The following TSPEAR variants were observed in gnomAD, a reference collection of about 807,000 sequenced individuals.
TSPEAR encodes thrombospondin type laminin G domain and EAR repeats.
TSPEAR carries 69 observed loss-of-function variants against 71.6 expected under a neutral mutation model. The observed-to-expected ratio is 0.96, with a 90% CI of 0.79 to 1.18. The LOEUF (loss-of-function observed/expected upper bound fraction) is 1.18. Among genes scored for constraint, TSPEAR ranks in the 50% most tolerant of loss-of-function variants. The pLI is 0.00. For missense variants in TSPEAR, 971 were observed against 894.9 expected (o/e 1.09, Z -1.09); for synonymous variants, 402 against 387.2 (o/e 1.04, Z -0.45).
At chr21:44,509,039 T>C (rs1333503912) in intron 10 of TSPEAR, 160 bp downstream of exon 10, 3 of 1,393,328 alleles carry the variant, frequency 2.2e-6, no homozygotes, top group Non-Finnish European at 2.9e-6. Flanking sequence ...CCCCAGGCCA[T>C]TCTTTCCACA....
intron 9 of TSPEAR, among the ~76,000 whole-genome samples, chr21:44,513,851 G>A (rs1364692963): frequency 6.6e-6 from 1 of 152,180 alleles, no homozygotes; most frequent in African/African-American, 2.4e-5. Context: ...CTGGTTGGGG[G>A]GGCAGTGGCA....
chr21:44,517,402 C>T (rs1031432901), intron 9 of TSPEAR: 25 of 220,316 alleles, frequency 1.1e-4, no homozygotes, highest in Non-Finnish European at 2.2e-4. Context: ...TGTGAGTACA[C>T]GTGACACAGG....
intron 1 of TSPEAR, among the ~76,000 whole-genome samples, chr21:44,585,122 A>G (rs587753944): frequency 6.6e-6 from 1 of 151,974 alleles, no homozygotes; most frequent in African/African-American, 2.4e-5. Flanking sequence ...CTTGTTAGAG[A>G]TTGTTGAGTA....
intron 1 of TSPEAR, chr21:44,646,565 G>A (rs954515995): frequency 1.9e-6 from 3 of 1,612,380 alleles, no homozygotes; most frequent in Non-Finnish European, 2.5e-6. Context: ...GCCCCCAGCT[G>A]CTGCGCCCCG....
chr21:44,512,614 T>A (rs2052424329), intron 9 of TSPEAR, among the ~76,000 whole-genome samples: 1 of 152,142 alleles, frequency 6.6e-6, no homozygotes, highest in African/African-American at 2.4e-5. Context: ...GGGTTGGGAA[T>A]GCGCGAGACG....
chr21:44,526,017 G>T, intron 7 of TSPEAR, 178 bp from the exon 8 acceptor site: 1 of 572,026 alleles, frequency 1.7e-6, no homozygotes, highest in Non-Finnish European at 3.1e-6. Context: ...GCGCAGAGCC[G>T]GTCATTACAT....
At chr21:44,590,047 G>A (rs1979661448) in intron 1 of TSPEAR, among the ~76,000 whole-genome samples, 2 of 151,906 alleles carry the variant, frequency 1.3e-5, no homozygotes, top group Non-Finnish European at 2.9e-5. Flanking sequence ...CCTGGGGACG[G>A]CTGCTGCTGG....
chr21:44,549,369 C>T (rs1418850469), intron 2 of TSPEAR, among the ~76,000 whole-genome samples: 3 of 152,210 alleles, frequency 2.0e-5, no homozygotes, highest in Middle Eastern at 3.2e-3. Context: ...CAAGAGGTAT[C>T]GTTTGTAATA....
chr21:44,646,654 G>C lies in TSPEAR; in HGVS notation c.82+64779C>G, dbSNP rs368146868. On this transcript the variant is annotated intron_variant, in intron 1 of 11. Coordinates refer to ENST00000323084, the MANE Select transcript of TSPEAR (RefSeq NM_144991.3). ...CTGCCAGGCGGCCTGTGAGCCCAGCGCCTGCCAATCAGGCTGCACCAGCTC... is the reference window on the plus strand; with the variant it reads ...CTGCCAGGCGGCCTGTGAGCCCAGCCCCTGCCAATCAGGCTGCACCAGCTC... The C allele has an allele frequency of 8.6e-5, 138 of 1,613,390 alleles. No homozygotes were observed. Among genetic ancestry groups the C allele is most frequent in the Admixed American group, 2.7e-4 (16 of 59,970 alleles).
chr21:44,627,207 T>A, intron 1 of TSPEAR: 1 of 1,612,958 alleles, frequency 6.2e-7, no homozygotes, highest in Non-Finnish European at 8.5e-7. Flanking sequence ...GCTCCAGCGC[T>A]TACTCCGACT....
intron 1 of TSPEAR, chr21:44,676,065 C>T (rs587677280): frequency 7.3e-5 from 63 of 867,254 alleles, no homozygotes; most frequent in Non-Finnish European, 1.2e-4. Context: ...CAATAGGAGG[C>T]ATATGACAGT....
intron 9 of TSPEAR, chr21:44,519,509 C>A (rs2052688351): frequency 1.3e-5 from 2 of 152,314 alleles, no homozygotes; most frequent in Non-Finnish European, 2.9e-5. Context: ...TCCTGCTGAG[C>A]CCTGTGGTCA....
At chr21:44,700,001 C>T (rs1382412247) in intron 1 of TSPEAR, among the ~76,000 whole-genome samples, 1 of 152,188 alleles carries the variant, frequency 6.6e-6, no homozygotes, top group Admixed American at 6.5e-5. Context: ...ATTTCTTTAG[C>T]TTAGGGTGAT....
At chr21:44,528,318 G>C in intron 6 of TSPEAR, 134 bp downstream of exon 6, 1 of 1,277,136 alleles carries the variant, frequency 7.8e-7, no homozygotes, top group South Asian at 1.3e-5. Context: ...ACTCTTAGAA[G>C]TGCCCCAGCC....
rs782542040 is a variant in TSPEAR at position 44,580,268 on chromosome 21, G to C, written c.83-12263C>G. On this transcript the variant is annotated intron_variant, in intron 1 of 11. Transcript: ENST00000323084. Reference sequence around the variant, plus strand: ...CTGGCAGCATGAAGAGGAATCCTTAGAGCAGGTGGGCAGGCAGCACACAGG... The same window carrying C: ...CTGGCAGCATGAAGAGGAATCCTTACAGCAGGTGGGCAGGCAGCACACAGG... 7 of 1,611,996 alleles carry C rather than the reference G, an allele frequency of 4.3e-6. No individual in the cohort carries two copies. In the African/African-American group the frequency reaches 6.7e-5, roughly 16 times the overall value.
chr21:44,610,832 G>A (rs1981617540), intron 1 of TSPEAR, among the ~76,000 whole-genome samples: 1 of 152,224 alleles, frequency 6.6e-6, no homozygotes, highest in Admixed American at 6.5e-5. Flanking sequence ...CCCACCTCTT[G>A]CATCATTATG....
chr21:44,551,842 GC>G (rs1241187465), intron 2 of TSPEAR, among the ~76,000 whole-genome samples: 1 of 152,174 alleles, frequency 6.6e-6, no homozygotes, highest in Non-Finnish European at 1.5e-5. Context: ...TGAGCTCTGG[GC>G]CCGGGGGAGG....
At chr21:44,691,712 C>T (rs1222333751) in intron 1 of TSPEAR, among the ~76,000 whole-genome samples, 1 of 152,100 alleles carries the variant, frequency 6.6e-6, no homozygotes, top group Non-Finnish European at 1.5e-5. Flanking sequence ...CCACTATAAA[C>T]CAGTTACTCA....
chr21:44,580,045 G>A (rs1220351300), intron 1 of TSPEAR: 3 of 1,594,410 alleles, frequency 1.9e-6, no homozygotes, highest in Non-Finnish European at 2.6e-6. Context: ...AGACAGGCTT[G>A]CAACAGACAG....
Sources: allele counts gnomAD v4.1 joint callset (sites outside exome capture counted in the v4.1 genomes callset), GRCh38; gene constraint gnomAD v4.1.1; transcripts MANE v1.5; gene names NCBI Gene and HGNC (gene_info 2026-07-23, HGNC 2026-07-21).